The following ROBO2 variants were observed in gnomAD, a reference collection of about 807,000 sequenced individuals.
ROBO2 encodes the protein roundabout homolog 2.
ROBO2 carries 53 observed loss-of-function variants against 160.8 expected under a neutral mutation model. The observed-to-expected ratio is 0.33, with a 90% confidence interval of 0.26 to 0.41. ROBO2 has a LOEUF of 0.41. Among genes scored for constraint, ROBO2 ranks in the 10% least tolerant of loss-of-function variants. The probability of loss-of-function intolerance (pLI) is 1.00; values close to 1 mark genes in which losing one functional copy is unlikely to be tolerated. For synonymous variants in ROBO2, 664 were observed against 611.7 expected, an observed-to-expected ratio of 1.09 and a Z score of -1.26; for missense variants, 1,577 against 1,722.4, an observed-to-expected ratio of 0.92 and a Z score of 1.49.
Position 76,272,802 on chromosome 3 carries a change from AAAATATATAATATG to A in ROBO2, c.109+335201_109+335214del, listed in dbSNP as rs370145907. Among the ~76,000 whole-genome samples, 137 of 49,450 alleles carry A rather than the reference AAAATATATAATATG, an allele frequency of 2.8e-3. 6 individuals carry two copies. Among genetic ancestry groups the A allele is most frequent in the Non-Finnish European group, 4.0e-3 (93 of 23,288 alleles). 32.4% of individuals were successfully genotyped at this position (49,450 alleles called of 152,430 possible). A position where few individuals can be genotyped will look rare whatever the true frequency, so the allele number is the denominator to read the frequency against. On this transcript the variant is annotated intron_variant, in intron 2 of 26. Coordinates refer to the ROBO2 transcript ENST00000487694. Reference sequence around the variant, plus strand: ...TAAAATATATAAAATATATATATATAAAATATATAATATGTATTTATATATAAAATATATATATT... The same window carrying A: ...TAAAATATATAAAATATATATATATATATTTATATATAAAATATATATATT...
intron 2 of ROBO2, among the ~76,000 whole-genome samples, chr3:76,181,421 G>A (rs1701497940): frequency 6.6e-6 from 1 of 152,056 alleles, no homozygotes; most frequent in Non-Finnish European, 1.5e-5. Flanking sequence ...AGCAGATTCT[G>A]CCATTGTTTC....
At chr3:77,566,416 T>C (rs111439389) in intron 12 of ROBO2, among the ~76,000 whole-genome samples, 3,402 of 152,228 alleles carry the variant, frequency 0.022, 127 homozygotes, top group African/African-American at 0.077. Context: ...TCCTTAAATC[T>C]GATTGCTTTT....
At chr3:75,971,969 G>A (rs1410723709) in intron 2 of ROBO2, among the ~76,000 whole-genome samples, 8 of 151,456 alleles carry the variant, frequency 5.3e-5, no homozygotes, top group South Asian at 4.1e-4. Flanking sequence ...TTGTGAAATC[G>A]AAGCTTATTG....
At chr3:76,396,944 G>T (rs570829272) in intron 2 of ROBO2, among the ~76,000 whole-genome samples, 2 of 152,200 alleles carry the variant, frequency 1.3e-5, no homozygotes, top group South Asian at 2.1e-4. Flanking sequence ...AGCTACCAAT[G>T]ACTTTCTTCA....
intron 2 of ROBO2, among the ~76,000 whole-genome samples, chr3:76,766,145 C>T (rs1358395301): frequency 2.0e-5 from 3 of 151,624 alleles, no homozygotes; most frequent in Non-Finnish European, 1.5e-5. Context: ...CAGAATTAGG[C>T]TTCTGCAACA....
chr3:76,085,917 C>T (rs540073413), intron 2 of ROBO2, among the ~76,000 whole-genome samples: 4 of 152,214 alleles, frequency 2.6e-5, no homozygotes, highest in African/African-American at 7.2e-5. Flanking sequence ...AAGCTTCTGG[C>T]AGGGAGAGGG....
chr3:76,952,088 G>A (rs986654894), intron 2 of ROBO2, among the ~76,000 whole-genome samples: 1 of 152,174 alleles, frequency 6.6e-6, no homozygotes, highest in Admixed American at 6.5e-5. Flanking sequence ...TCAGTAGCAT[G>A]TGAGACTGAT....
chr3:77,407,057 C>A (rs2076313319), intron 2 of ROBO2, among the ~76,000 whole-genome samples: 1 of 152,082 alleles, frequency 6.6e-6, no homozygotes, highest in Admixed American at 6.6e-5. Flanking sequence ...AACTCCTGGG[C>A]TCAAGCAAAC....
intron 19 of ROBO2, among the ~76,000 whole-genome samples, chr3:77,600,414 A>G (rs1307416043): frequency 1.3e-5 from 2 of 152,202 alleles, no homozygotes; most frequent in African/African-American, 4.8e-5. Flanking sequence ...TAGCAGGGAG[A>G]GGAGAGATTC....
chr3:76,101,445 A>T (rs1187598722), intron 2 of ROBO2, among the ~76,000 whole-genome samples: 1 of 152,168 alleles, frequency 6.6e-6, no homozygotes, highest in Admixed American at 6.5e-5. Context: ...AATATAAAGT[A>T]TTCAGAACTC....
At chr3:77,056,885 C>T (rs1045435665) in intron 1 of ROBO2, among the ~76,000 whole-genome samples, 1 of 151,852 alleles carries the variant, frequency 6.6e-6, no homozygotes, top group South Asian at 2.1e-4. Flanking sequence ...TCTATGCACA[C>T]GTACATACAT....
At position 76,209,898 on chromosome 3, in the gene ROBO2, G is replaced by C. The variant is rs575248035; in HGVS notation, c.109+272296G>C. 5.3e-5 allele frequency among the ~76,000 whole-genome samples: 8 copies of C among 152,154 alleles called. No individual in the cohort carries two copies. In the East Asian group the frequency reaches 9.7e-4, roughly 18 times the overall value. ...TATGGAATACAGAGGCATTGAAGAG[G>C]TGACATGATCAAATTTGACTTTTTA... is the stretch of plus-strand genomic sequence containing the variant. On this transcript the variant is annotated intron_variant, in intron 2 of 26. Coordinates refer to the ROBO2 transcript ENST00000487694.
chr3:76,194,980 T>A (rs1340239156), intron 2 of ROBO2, among the ~76,000 whole-genome samples: 2 of 152,180 alleles, frequency 1.3e-5, no homozygotes, highest in African/African-American at 4.8e-5. Context: ...AAAGGAGTAG[T>A]TCATTAATAT....
chr3:76,898,871 A>C (rs1325833015), intron 2 of ROBO2, among the ~76,000 whole-genome samples: 2 of 152,156 alleles, frequency 1.3e-5, no homozygotes, highest in Non-Finnish European at 2.9e-5. Context: ...TAGAAAGAAA[A>C]AGAGTACTTC....
At position 76,768,278 on chromosome 3, in the gene ROBO2, G is replaced by C. The variant is rs532859113; in HGVS notation, c.110-329736G>C. On this transcript the variant is annotated intron_variant, in intron 2 of 26. Transcript: ENST00000487694. ...CACACTTCTTTACAGACCTTTACGA[G>C]GTCAGTTTTCTGCGGAAGACAGTTT... 1.8e-4 allele frequency among the ~76,000 whole-genome samples: 27 copies of C among 151,264 alleles called. No individual in the cohort carries two copies. In the South Asian group the frequency reaches 5.6e-3, roughly 31 times the overall value.
At chr3:75,921,436 GA>G (rs772358137) in intron 1 of ROBO2, among the ~76,000 whole-genome samples, 3 of 151,068 alleles carry the variant, frequency 2.0e-5, no homozygotes, top group Non-Finnish European at 3.0e-5. Context: ...AAAGAAAATA[GA>G]AAAAAAAATT....
At chr3:76,546,770 A>G (rs2083128006) in intron 2 of ROBO2, among the ~76,000 whole-genome samples, 2 of 151,844 alleles carry the variant, frequency 1.3e-5, no homozygotes, top group Admixed American at 6.6e-5. Context: ...TGTTTCTACT[A>G]CAAGGAAGTC....
At chr3:77,331,804 C>A (rs576404256) in intron 2 of ROBO2, among the ~76,000 whole-genome samples, 2 of 152,138 alleles carry the variant, frequency 1.3e-5, no homozygotes, top group South Asian at 4.1e-4. Context: ...CATCCAGGTT[C>A]AAGCGATTCT....
intron 2 of ROBO2, among the ~76,000 whole-genome samples, chr3:77,359,246 G>A (rs1412073733): frequency 6.6e-6 from 1 of 152,202 alleles, no homozygotes; most frequent in African/African-American, 2.4e-5. Flanking sequence ...GCCTAGGCAG[G>A]CAGGGCTGTG....
Sources: allele counts gnomAD v4.1 joint callset (sites outside exome capture counted in the v4.1 genomes callset), GRCh38; gene constraint gnomAD v4.1.1; transcripts MANE v1.5; gene names NCBI Gene and HGNC (gene_info 2026-07-23, HGNC 2026-07-21).